PTPRN2: variants seen among roughly 807,000 people sequenced by gnomAD.
The protein encoded by PTPRN2 is protein tyrosine phosphatase receptor type N2.
In PTPRN2, 74 loss-of-function variants were observed where a neutral mutation model predicts 118.8. The ratio of observed to expected loss-of-function variants is 0.62; its 90% confidence interval spans 0.52 to 0.76. The LOEUF is 0.76. Ranked by LOEUF, PTPRN2 falls within the 30% of genes least tolerant of loss-of-function variation. The pLI is 0.00. For missense variants in PTPRN2, 1,481 were observed against 1,394.4 expected, an observed-to-expected ratio of 1.06 and a Z score of -0.99; for synonymous variants, 641 against 608.0, an observed-to-expected ratio of 1.05 and a Z score of -0.80.
At chr7:157,938,286 G>A (rs960042906) in intron 11 of PTPRN2, among the ~76,000 whole-genome samples, 6 of 152,360 alleles carry the variant, frequency 3.9e-5, no homozygotes, top group Middle Eastern at 6.8e-3. Flanking sequence ...AGATGCAGGG[G>A]AGACATCGCA....
chr7:157,906,087 C>T (rs1797755552), intron 11 of PTPRN2, among the ~76,000 whole-genome samples: 1 of 152,230 alleles, frequency 6.6e-6, no homozygotes, highest in South Asian at 2.1e-4. Flanking sequence ...GGTCAGCCTT[C>T]CTGAAACTGG....
intron 16 of PTPRN2, 66 bp from the exon 17 acceptor site, chr7:157,595,381 C>A: frequency 1.3e-6 from 2 of 1,482,594 alleles, no homozygotes; most frequent in East Asian, 2.3e-5. Context: ...GTTAGGAAGC[C>A]TGGAGGTTAG....
chr7:158,517,269 C>T lies in PTPRN2; in HGVS notation c.113-27484G>A, dbSNP rs1338205825. ...ACTTCGGGGGTGCAAGCCTGCAAGACCAAACAGCCCACAGCCTTGGAGGAG... is the reference window on the plus strand; with the variant it reads ...ACTTCGGGGGTGCAAGCCTGCAAGATCAAACAGCCCACAGCCTTGGAGGAG... On this transcript the variant is annotated intron_variant, in intron 1 of 22. Transcript: ENST00000389418. This position sits in a 1 kb window ranked among gnomAD's most constrained non-coding sequence, Gnocchi z 5.3. 6.6e-6 allele frequency among the ~76,000 whole-genome samples: 1 copy of T among 152,226 alleles called. No individual in the cohort carries two copies. Among genetic ancestry groups the T allele is most frequent in the African/African-American group, 2.4e-5 (1 of 41,460 alleles).
rs1323478921 is a variant in PTPRN2, at chr7:158,471,993, C to CCGCCACGGTTCCGGCCT, written c.163+17725_163+17741dup. On this transcript the variant is annotated intron_variant, in intron 2 of 22. Coordinates refer to ENST00000389418, the MANE Select transcript of PTPRN2 (RefSeq NM_002847.5). The stretch of plus-strand genomic sequence containing the variant: ...TTCCGGCCCCGCCACGGTTCCGGCC[C>CCGCCACGGTTCCGGCCT]CGCCACGGTTCCGGCCTCGCCACGG... Among the ~76,000 whole-genome samples, 57 of 151,996 alleles carry CCGCCACGGTTCCGGCCT rather than the reference C, an allele frequency of 3.8e-4. 1 individual carries two copies. Among genetic ancestry groups the CCGCCACGGTTCCGGCCT allele is most frequent in the Admixed American group, 3.1e-3 (48 of 15,254 alleles).
At chr7:157,864,381 GA>G (rs1810473604) in intron 12 of PTPRN2, 1 of 152,050 alleles carries the variant, frequency 6.6e-6, no homozygotes, top group Non-Finnish European at 1.5e-5. Context: ...TCCACCTGGG[GA>G]CGGGCCCCGG....
chr7:158,359,057 A>C (rs1166175374), intron 2 of PTPRN2, among the ~76,000 whole-genome samples: 1 of 152,234 alleles, frequency 6.6e-6, no homozygotes, highest in Non-Finnish European at 1.5e-5. Flanking sequence ...GATGATGAGC[A>C]TGACCTCAAG....
rs1157196982 is a variant in PTPRN2, at chr7:157,893,815, G to A, written c.1788+4858C>T. 2.0e-5 allele frequency among the ~76,000 whole-genome samples: 3 copies of A among 152,142 alleles called. No homozygotes were observed. The highest frequency in any genetic ancestry group is 2.0e-4 in the Admixed American group (3 of 15,282). ...TGAGTTCCCCACAGGAGACAGCACC[G>A]GCAGAAAGGAGGAGGGAGCCAGGCC... On this transcript the variant is annotated intron_variant, in intron 12 of 22. Transcript: ENST00000389418. This position sits in a 1 kb window ranked among gnomAD's most constrained non-coding sequence, Gnocchi z 4.0.
intron 12 of PTPRN2, among the ~76,000 whole-genome samples, chr7:157,792,093 G>C (rs570566888): frequency 6.6e-6 from 1 of 152,322 alleles, no homozygotes; most frequent in Admixed American, 6.5e-5. Flanking sequence ...CCCCTGCCTG[G>C]AACTCTCTGG....
chr7:158,367,687 G>GT (rs553751132), intron 2 of PTPRN2, among the ~76,000 whole-genome samples: 65 of 152,226 alleles, frequency 4.3e-4, no homozygotes, highest in African/African-American at 1.4e-3. Context: ...ATTAATGTTA[G>GT]TTTTTTTCCA....
rs1370671350 is a variant in PTPRN2, at chr7:157,785,006, C to T, written c.1789-102069G>A. ...CCCTCTGTCCAGGCGGCTGAGGTCA[C>T]GCGGTCTCTTCAGTTTCCATTTTTC... On this transcript the variant is annotated intron_variant, in intron 12 of 22. Transcript: ENST00000389418. The surrounding 1 kb of genome is among the most constrained non-coding windows in gnomAD (Gnocchi z 7.3). Among the ~76,000 whole-genome samples, 2 of 152,242 alleles carry T rather than the reference C, an allele frequency of 1.3e-5. No individual in the cohort carries two copies. The highest frequency in any genetic ancestry group is 1.9e-4 in the East Asian group (1 of 5,168).
chr7:157,776,556 C>T (rs1375069019), intron 12 of PTPRN2, among the ~76,000 whole-genome samples: 9 of 83,120 alleles, frequency 1.1e-4, no homozygotes, highest in South Asian at 5.4e-4. Flanking sequence ...CTCCTCCTCT[C>T]TCTCCTTCTC....
chr7:157,744,976 C>T (rs1245992934), intron 12 of PTPRN2, among the ~76,000 whole-genome samples: 1 of 152,204 alleles, frequency 6.6e-6, no homozygotes, highest in East Asian at 1.9e-4. Flanking sequence ...ACTTCTGCCT[C>T]CATGAAATGT....
chr7:158,441,366 AGTGG>A (rs1383236253), intron 2 of PTPRN2, among the ~76,000 whole-genome samples: 18 of 123,546 alleles, frequency 1.5e-4, no homozygotes, highest in Admixed American at 1.3e-3. Context: ...TGGTGATGGC[AGTGG>A]TGGCAGTGGT....
At chr7:158,070,581 TG>T (rs1811216486) in intron 11 of PTPRN2, among the ~76,000 whole-genome samples, 13 of 102,950 alleles carry the variant, frequency 1.3e-4, no homozygotes, top group African/African-American at 4.7e-4. Context: ...GTGCCCGTGG[TG>T]GTGGAGGTGC....
Position 158,070,862 on chromosome 7 carries a change from G to A in PTPRN2, c.1723+10436C>T, listed in dbSNP as rs1224117019. Among the ~76,000 whole-genome samples, 5 of 124,756 alleles carry A rather than the reference G, an allele frequency of 4.0e-5. 1 individual carries two copies. Among genetic ancestry groups the A allele is most frequent in the African/African-American group, 1.7e-4 (5 of 28,838 alleles). The allele number at this position is 124,756 out of a possible 152,430, so 81.8% of individuals were successfully genotyped here. ...CCCATGGTGGTATGGAGGTGCCCGTGGTGGTGGTGGTGCCCATGGTGGTGG... is the reference window on the plus strand; with the variant it reads ...CCCATGGTGGTATGGAGGTGCCCGTAGTGGTGGTGGTGCCCATGGTGGTGG... On this transcript the variant is annotated intron_variant, in intron 11 of 22. Coordinates refer to ENST00000389418, the MANE Select transcript of PTPRN2 (RefSeq NM_002847.5).
chr7:158,429,194 C>T (rs1009259829), intron 2 of PTPRN2, among the ~76,000 whole-genome samples: 2 of 152,208 alleles, frequency 1.3e-5, no homozygotes, highest in African/African-American at 4.8e-5. Context: ...GTCACCCAGT[C>T]GAGAGGCTTT....
At chr7:157,588,609 G>A (rs147071288) in intron 17 of PTPRN2, among the ~76,000 whole-genome samples, 9 of 152,342 alleles carry the variant, frequency 5.9e-5, no homozygotes, top group Non-Finnish European at 1.0e-4. Flanking sequence ...TGGAGAAAGC[G>A]TCACTTTATC....
At chr7:158,300,324 C>T (rs949566192) in intron 3 of PTPRN2, among the ~76,000 whole-genome samples, 5 of 152,192 alleles carry the variant, frequency 3.3e-5, no homozygotes, top group African/African-American at 4.8e-5. Context: ...CCCCTCGTAT[C>T]GTCTGATCCG....
intron 12 of PTPRN2, among the ~76,000 whole-genome samples, chr7:157,883,073 GT>G (rs1400937313): frequency 2.1e-5 from 3 of 141,976 alleles, no homozygotes; most frequent in African/African-American, 8.0e-5. Context: ...CAAAATGACT[GT>G]TGTTGGAGAC....
Sources: gnomAD v4.1 joint callset for allele counts (sites outside exome capture counted in the v4.1 genomes callset) on GRCh38, gnomAD v4.1.1 for gene constraint, Gnocchi (gnomAD v3.1) non-coding constraint, MANE v1.5 for transcripts, NCBI Gene and HGNC (gene_info 2026-07-23, HGNC 2026-07-21) for gene names.